The following GLRA2 variants were observed in gnomAD, a reference collection of about 807,000 sequenced individuals.
The protein encoded by GLRA2 is glycine receptor subunit alpha-2.
In GLRA2, 11 loss-of-function variants were observed where a neutral mutation model predicts 31.6. That is an observed-to-expected ratio of 0.35 (90% CI 0.22 to 0.58). The LOEUF is 0.58. GLRA2 is among the 20% of genes least tolerant of loss of function. The pLI is 0.84. For synonymous variants in GLRA2, 132 were observed against 134.0 expected, an observed-to-expected ratio of 0.99 and a Z score of 0.10; for missense variants, 212 against 351.8, an observed-to-expected ratio of 0.60 and a Z score of 3.18.
At chrX:14,495,495 G>C in the GLRA2 span, among the ~76,000 whole-genome samples, 3 of 109,606 alleles carry the variant, frequency 2.7e-5, no homozygotes, top group Non-Finnish European at 3.8e-5. Flanking sequence ...GAGTGGAAGG[G>C]GGAAAGAGAA....
the GLRA2 span, among the ~76,000 whole-genome samples, chrX:14,472,212 G>A: frequency 1.8e-5 from 2 of 112,018 alleles, no homozygotes; most frequent in East Asian, 2.8e-4. Flanking sequence ...GCTGAACACT[G>A]TCTCTCCTGA....
chrX:14,726,784 C>T (rs1195627423), intron 8 of GLRA2, among the ~76,000 whole-genome samples: 1 of 112,374 alleles, frequency 8.9e-6, no homozygotes, highest in Non-Finnish European at 1.9e-5. Flanking sequence ...TGAAAAGACA[C>T]GTGGACATGT....
intron 7 of GLRA2, among the ~76,000 whole-genome samples, chrX:14,686,177 C>T (rs1320388786): frequency 8.9e-5 from 10 of 111,849 alleles, no homozygotes; most frequent in Non-Finnish European, 1.9e-5. Flanking sequence ...GTCTGAGAGA[C>T]AGTTTGTAAT....
chrX:14,515,805 C>T, the GLRA2 span, among the ~76,000 whole-genome samples: 2 of 111,247 alleles, frequency 1.8e-5, no homozygotes, highest in African/African-American at 6.5e-5. Context: ...TCATGAGGTC[C>T]TTGTTATGCC....
chrX:14,646,234 G>T (rs1273539331), intron 7 of GLRA2, among the ~76,000 whole-genome samples: 2 of 111,999 alleles, frequency 1.8e-5, no homozygotes, highest in Non-Finnish European at 3.8e-5. Flanking sequence ...CCAGTAAGTG[G>T]CAGGGACAAG....
chrX:14,572,237 A>G (rs1225301147), intron 2 of GLRA2, among the ~76,000 whole-genome samples: 1 of 112,482 alleles, frequency 8.9e-6, no homozygotes, highest in East Asian at 2.8e-4. Context: ...TGGGTAGGCT[A>G]GAGAAGCAGA....
chrX:14,541,960 C>T (rs2089410830), intron 2 of GLRA2, among the ~76,000 whole-genome samples: 1 of 111,341 alleles, frequency 9.0e-6, no homozygotes, highest in Non-Finnish European at 1.9e-5. Flanking sequence ...GATTCAAAGC[C>T]ACCTGAGAGT....
Position 14,549,662 on chromosome X carries a change from A to C in GLRA2, c.202+17290A>C, listed in dbSNP as rs561336766. On this transcript the variant is annotated intron_variant, in intron 2 of 8. Coordinates refer to ENST00000218075, the MANE Select transcript of GLRA2 (RefSeq NM_002063.4). ...TTCCATTTTGAGCAACTGAGCAGAC[A>C]GTGATTTTGTTTATTCATGTCAGGG... 7.1e-5 allele frequency among the ~76,000 whole-genome samples: 8 copies of C among 111,947 alleles called. No homozygotes were observed. In the South Asian group the frequency reaches 3.0e-3, roughly 42 times the overall value.
the GLRA2 span, among the ~76,000 whole-genome samples, chrX:14,499,691 C>T: frequency 1.8e-5 from 2 of 110,838 alleles, no homozygotes; most frequent in South Asian, 3.9e-4. Context: ...GACACTGGGA[C>T]TCCAAAAGGC....
At chrX:14,551,541 C>T (rs1457783443) in intron 2 of GLRA2, among the ~76,000 whole-genome samples, 1 of 111,263 alleles carries the variant, frequency 9.0e-6, no homozygotes, top group Non-Finnish European at 1.9e-5. Context: ...GGGACTACTT[C>T]CTCCATGGGC....
the GLRA2 span, among the ~76,000 whole-genome samples, chrX:14,501,729 T>C: frequency 8.9e-6 from 1 of 112,413 alleles, no homozygotes; most frequent in African/African-American, 3.2e-5. Flanking sequence ...GGGCATGTTT[T>C]ATTTATCAGC....
chrX:14,578,934 G>A (rs1444842151), intron 3 of GLRA2, among the ~76,000 whole-genome samples: 2 of 111,963 alleles, frequency 1.8e-5, no homozygotes, highest in African/African-American at 6.5e-5. Context: ...CTACAGCAGT[G>A]GATCCTAGTC....
chrX:14,601,437 G>C (rs903603920), intron 4 of GLRA2, among the ~76,000 whole-genome samples: 4 of 111,500 alleles, frequency 3.6e-5, no homozygotes, highest in Non-Finnish European at 1.9e-5. Context: ...TTTGAAGAAA[G>C]GCACAGCTAA....
At chrX:14,456,401 AAT>A in the GLRA2 span, among the ~76,000 whole-genome samples, 598 of 111,055 alleles carry the variant, frequency 5.4e-3, 7 homozygotes, top group African/African-American at 0.018. Flanking sequence ...GAATCTATAA[AAT>A]ATATTATCGT....
At chrX:14,619,071 C>A (rs1707945526) in intron 7 of GLRA2, among the ~76,000 whole-genome samples, 1 of 111,134 alleles carries the variant, frequency 9.0e-6, no homozygotes, top group African/African-American at 3.3e-5. Context: ...CCATAACAGT[C>A]TCTAGATCAG....
upstream of GLRA2, among the ~76,000 whole-genome samples, chrX:14,526,270 A>G (rs1464668221): frequency 1.8e-5 from 2 of 112,967 alleles, no homozygotes; most frequent in Non-Finnish European, 3.7e-5. Flanking sequence ...GAGATGAGGA[A>G]CAATGTAGGC....
chrX:14,719,836 G>C (rs1305146887), intron 8 of GLRA2, among the ~76,000 whole-genome samples: 1 of 112,118 alleles, frequency 8.9e-6, no homozygotes, highest in African/African-American at 3.2e-5. Flanking sequence ...AGAAAATGTA[G>C]TGTTCATACA....
the GLRA2 span, among the ~76,000 whole-genome samples, chrX:14,522,423 ATGGT>A: frequency 8.9e-6 from 1 of 111,823 alleles, no homozygotes; most frequent in Admixed American, 9.5e-5. Context: ...GTCATCCATG[ATGGT>A]TGGCATCAAC....
At chrX:14,713,244 C>T (rs1382555170) in intron 8 of GLRA2, among the ~76,000 whole-genome samples, 1 of 112,036 alleles carries the variant, frequency 8.9e-6, no homozygotes, top group Non-Finnish European at 1.9e-5. Context: ...AATCACCTGA[C>T]CCCTCCAGTC....
Sources: allele counts gnomAD v4.1 joint callset (sites outside exome capture counted in the v4.1 genomes callset), GRCh38; gene constraint gnomAD v4.1.1; transcripts MANE v1.5; gene names NCBI Gene and HGNC (gene_info 2026-07-23, HGNC 2026-07-21).